N4BP2: variants seen among roughly 807,000 people sequenced by gnomAD.
The protein encoded by N4BP2 is NEDD4 binding protein 2.
In N4BP2, 91 loss-of-function variants were observed where a neutral mutation model predicts 152.8. That is an observed-to-expected ratio of 0.60 (90% CI 0.50 to 0.71). N4BP2 has a LOEUF of 0.71. Ranked by LOEUF, N4BP2 falls within the 30% of genes least tolerant of loss-of-function variation. N4BP2 has a pLI of 0.00. For missense variants in N4BP2, 1,923 were observed against 2,059.1 expected (o/e 0.93, Z 1.28); for synonymous variants, 646 against 705.3 (o/e 0.92, Z 1.33).
intron 14 of N4BP2, among the ~76,000 whole-genome samples, chr4:40,141,303 G>A (rs1222236693): frequency 1.3e-5 from 2 of 151,832 alleles, no homozygotes; most frequent in Non-Finnish European, 2.9e-5. Context: ...GGTGGCTGCC[G>A]GGCGGTGACG....
At position 40,121,405 on chromosome 4, in the gene N4BP2, G is replaced by C; in HGVS notation, c.3294G>C (p.Leu1098=). The C allele has an allele frequency of 6.2e-7, 1 of 1,612,222 alleles. No individual in the cohort carries two copies. Among genetic ancestry groups the C allele is most frequent in the Non-Finnish European group, 8.5e-7 (1 of 1,179,550 alleles). Residue 1098 remains leucine, a synonymous_variant, in exon 9 of 18, where the codon CTG becomes CTC. Transcript: ENST00000261435. ...ESENLNILCK[L]FGSFSLEALK... Reference sequence around the variant, plus strand: ...AAAATCTTAACATTCTTTGTAAACTGTTTGGATCCTTTTCATTAGAAGCCC... The same window carrying C: ...AAAATCTTAACATTCTTTGTAAACTCTTTGGATCCTTTTCATTAGAAGCCC...
At chr4:40,101,135 T>A (rs1309521060) in intron 3 of N4BP2, among the ~76,000 whole-genome samples, 1 of 152,154 alleles carries the variant, frequency 6.6e-6, no homozygotes, top group African/African-American at 2.4e-5. Flanking sequence ...CATTTGTACA[T>A]TATCAAAAGT....
At chr4:40,179,840 C>T in the N4BP2 span, among the ~76,000 whole-genome samples, 2 of 146,896 alleles carry the variant, frequency 1.4e-5, no homozygotes, top group Admixed American at 7.0e-5. Context: ...TCTTGGCTCA[C>T]GACAACCTCC....
At chr4:40,132,115 T>C (rs558075641) in intron 13 of N4BP2, among the ~76,000 whole-genome samples, 196 bp downstream of exon 13, 3 of 152,198 alleles carry the variant, frequency 2.0e-5, no homozygotes, top group Non-Finnish European at 2.9e-5. Flanking sequence ...CTATATACTA[T>C]GTTTTTTTCC....
chr4:40,189,488 A>G, the N4BP2 span, among the ~76,000 whole-genome samples: 1 of 152,196 alleles, frequency 6.6e-6, no homozygotes, highest in Non-Finnish European at 1.5e-5. This position sits in a 1 kb window ranked among gnomAD's most constrained non-coding sequence, Gnocchi z 4.3. Flanking sequence ...TCCCGCTCGC[A>G]GGTATGGGCA....
At chr4:40,100,090 T>C (rs1237581869) in intron 3 of N4BP2, 1 of 456,266 alleles carries the variant, frequency 2.2e-6, no homozygotes, top group Non-Finnish European at 4.4e-6. Context: ...CACTTTTTCA[T>C]GGATTATCTC....
At chr4:40,131,058 T>C (rs1224482533) in intron 12 of N4BP2, among the ~76,000 whole-genome samples, 1 of 152,160 alleles carries the variant, frequency 6.6e-6, no homozygotes, top group Admixed American at 6.5e-5. Flanking sequence ...AATTGTGAAT[T>C]CCAAGATTTC....
chr4:40,108,077 G>A (rs1716497391), intron 5 of N4BP2, among the ~76,000 whole-genome samples: 1 of 151,862 alleles, frequency 6.6e-6, no homozygotes, highest in African/African-American at 2.4e-5. Context: ...ATAGGTGTGT[G>A]ATACCATGCC....
chr4:40,125,881 C>T lies in N4BP2; in HGVS notation c.4331-253C>T, dbSNP rs566888059. On this transcript the variant is annotated intron_variant, in intron 11 of 17. Transcript: ENST00000261435. ...CAGCCTGGGCGACAGAGCAAGACTCCGTCTCAAAAAAAAAAAAAAAAAAAA... is the reference window on the plus strand; with the variant it reads ...CAGCCTGGGCGACAGAGCAAGACTCTGTCTCAAAAAAAAAAAAAAAAAAAA... Among the ~76,000 whole-genome samples the T allele has an allele frequency of 4.9e-4, 47 of 96,614 alleles. No homozygotes were observed. The East Asian group carries it at 0.014, about 29-fold the overall frequency. 63.4% of individuals were successfully genotyped at this position (96,614 alleles called of 152,430 possible).
chr4:40,181,375 G>C, the N4BP2 span, among the ~76,000 whole-genome samples: 1 of 152,004 alleles, frequency 6.6e-6, no homozygotes, highest in Non-Finnish European at 1.5e-5. Context: ...AAACATTTTC[G>C]ATACTAGCTC....
At position 40,099,276 on chromosome 4, in the gene N4BP2, C is replaced by T. The variant is rs573047742; in HGVS notation, c.229+1707C>T. Among the ~76,000 whole-genome samples the T allele has an allele frequency of 4.6e-5, 7 of 152,284 alleles. No individual in the cohort carries two copies. The South Asian group carries it at 8.3e-4, about 18-fold the overall frequency. On this transcript the variant is annotated intron_variant, in intron 3 of 17. Transcript: ENST00000261435. ...TTGTTTTTTGAGACGGAGTTTCGCT[C>T]TTGCTGCCCAGGCCGGAGTGCAGTG...
chr4:40,144,704 G>A lies in N4BP2; in HGVS notation c.5047G>A (p.Ala1683Thr). The change falls in exon 16 of 18, where the codon GCT (alanine) becomes ACT (threonine). Residue 1683 changes from alanine to threonine, a missense_variant. Physicochemically the swap from Ala to Thr is moderately conservative, Grantham distance 58. Coordinates refer to ENST00000261435, the MANE Select transcript of N4BP2 (RefSeq NM_018177.6). ...AAIEIFEKVNASLLPQNVLDL... is the reference protein window; with the variant it reads ...AAIEIFEKVNTSLLPQNVLDL... ...CATAGAGATCTTTGAGAAAGTCAAT[G>A]CTTCGCTGCTGCCACAGAATGTTTT... is the stretch of plus-strand genomic sequence containing the variant. 1 of 1,614,088 alleles carries A rather than the reference G, an allele frequency of 6.2e-7. No individual in the cohort carries two copies. The highest frequency in any genetic ancestry group is 2.2e-5 in the East Asian group (1 of 44,866).
intron 12 of N4BP2, among the ~76,000 whole-genome samples, chr4:40,126,923 A>C (rs1045980449): frequency 6.6e-6 from 1 of 152,028 alleles, no homozygotes; most frequent in Non-Finnish European, 1.5e-5. Flanking sequence ...ATGCCTGGCT[A>C]ATTTTTAGTA....
At chr4:40,092,046 A>ATATATATATATATG (rs1491152490) in intron 2 of N4BP2, among the ~76,000 whole-genome samples, 1 of 97,466 alleles carries the variant, frequency 1.0e-5, no homozygotes, top group Non-Finnish European at 2.1e-5. Flanking sequence ...ATATATATAT[A>ATATATATATATATG]GCTGAATTTT....
chr4:40,180,983 C>G, the N4BP2 span, among the ~76,000 whole-genome samples: 1 of 152,052 alleles, frequency 6.6e-6, no homozygotes, highest in African/African-American at 2.4e-5. Context: ...AACCTCATCT[C>G]TACTAAAAAT....
At chr4:40,062,280 G>A (rs969675428) in intron 1 of N4BP2, among the ~76,000 whole-genome samples, 3 of 151,808 alleles carry the variant, frequency 2.0e-5, no homozygotes, top group South Asian at 2.1e-4. Context: ...GGGTTTCACC[G>A]TGTTAGCCAG....
chr4:40,171,155 T>C, the N4BP2 span, among the ~76,000 whole-genome samples: 9 of 152,328 alleles, frequency 5.9e-5, no homozygotes, highest in Middle Eastern at 3.4e-3. Context: ...TTTAAAGGAC[T>C]GGGCTTCCAC....
At chr4:40,075,825 C>G (rs918008372) in intron 2 of N4BP2, among the ~76,000 whole-genome samples, 1 of 151,776 alleles carries the variant, frequency 6.6e-6, no homozygotes, top group Admixed American at 6.6e-5. Context: ...ATACATATTT[C>G]TTTTTTTGTT....
At chr4:40,136,090 C>T (rs1719356357) in intron 13 of N4BP2, among the ~76,000 whole-genome samples, 1 of 152,038 alleles carries the variant, frequency 6.6e-6, no homozygotes, top group Non-Finnish European at 1.5e-5. Context: ...CTGAATAATG[C>T]AGGGATGAGA....
Sources: gnomAD v4.1 joint callset for allele counts (sites outside exome capture counted in the v4.1 genomes callset) on GRCh38, gnomAD v4.1.1 for gene constraint, Gnocchi (gnomAD v3.1) non-coding constraint, MANE v1.5 for transcripts, NCBI Gene and HGNC (gene_info 2026-07-23, HGNC 2026-07-21) for gene names.